Variants in CDKAL1 observed in about 807,000 individuals in gnomAD.
The protein encoded by CDKAL1 is threonylcarbamoyladenosine tRNA methylthiotransferase.
Under a neutral mutation model 68.2 loss-of-function variants are expected in CDKAL1, and 32 were observed. The ratio of observed to expected loss-of-function variants is 0.47; its 90% CI spans 0.35 to 0.63. The LOEUF is 0.63. Among genes scored for constraint, CDKAL1 ranks in the 30% least tolerant of loss-of-function variants. The probability of loss-of-function intolerance (pLI) is 0.00; values close to 1 mark genes in which losing one functional copy is unlikely to be tolerated. For missense variants in CDKAL1, 606 were observed against 696.7 expected, an observed-to-expected ratio of 0.87 and a Z score of 1.47; for synonymous variants, 234 against 244.3, an observed-to-expected ratio of 0.96 and a Z score of 0.39.
At chr6:20,992,632 T>C (rs913136732) in intron 10 of CDKAL1, among the ~76,000 whole-genome samples, 10 of 152,184 alleles carry the variant, frequency 6.6e-5, no homozygotes, top group Admixed American at 5.2e-4. Context: ...GCATGGTTGC[T>C]GATATCTGTA....
chr6:20,677,077 TTG>T (rs112049271), intron 5 of CDKAL1, among the ~76,000 whole-genome samples: 13,907 of 151,856 alleles, frequency 0.092, 2,046 homozygotes, highest in African/African-American at 0.31. Context: ...ATAATTTTTT[TTG>T]TGTGTGTGTG....
intron 8 of CDKAL1, among the ~76,000 whole-genome samples, chr6:20,810,389 C>G (rs371404914): frequency 1.0e-5 from 1 of 99,140 alleles, no homozygotes; most frequent in African/African-American, 4.7e-5. Flanking sequence ...CTCTCTCTCT[C>G]TGTCACACAC....
intron 8 of CDKAL1, among the ~76,000 whole-genome samples, chr6:20,814,949 T>C (rs932267481): frequency 2.0e-5 from 3 of 152,234 alleles, no homozygotes; most frequent in Non-Finnish European, 2.9e-5. Flanking sequence ...CATCTATATG[T>C]TGAGATCTGG....
At chr6:20,742,941 A>G (rs1488107067) in intron 6 of CDKAL1, among the ~76,000 whole-genome samples, 2 of 152,138 alleles carry the variant, frequency 1.3e-5, no homozygotes, top group Non-Finnish European at 2.9e-5. Context: ...ACAAATTACA[A>G]ATTAGGAAAC....
chr6:20,728,466 C>T (rs977561714), intron 5 of CDKAL1, among the ~76,000 whole-genome samples: 3 of 151,948 alleles, frequency 2.0e-5, no homozygotes, highest in African/African-American at 7.3e-5. Flanking sequence ...GTGACACCCA[C>T]AAAAGAAAAA....
At chr6:21,105,085 A>G (rs956061248) in intron 12 of CDKAL1, among the ~76,000 whole-genome samples, 2 of 152,226 alleles carry the variant, frequency 1.3e-5, no homozygotes, top group African/African-American at 4.8e-5. Context: ...AAGTGTTAGC[A>G]TCCGTCATTT....
intron 4 of CDKAL1, among the ~76,000 whole-genome samples, chr6:20,639,315 T>A (rs988005469): frequency 6.6e-6 from 1 of 152,174 alleles, no homozygotes; most frequent in African/African-American, 2.4e-5. Context: ...TTCTTCCTAG[T>A]AGCTTCTATT....
intron 15 of CDKAL1, among the ~76,000 whole-genome samples, chr6:21,205,512 T>C (rs966781297): frequency 2.6e-5 from 4 of 151,522 alleles, no homozygotes; most frequent in African/African-American, 9.7e-5. Context: ...GCCATCCTAA[T>C]CCGCATGGGT....
chr6:20,588,667 A>C (rs2127698138), intron 4 of CDKAL1, among the ~76,000 whole-genome samples: 1 of 152,246 alleles, frequency 6.6e-6, no homozygotes, highest in South Asian at 2.1e-4. Context: ...GCAGTCTTTC[A>C]AAAGTTAAGA....
At chr6:21,174,012 G>A (rs1452400789) in intron 13 of CDKAL1, among the ~76,000 whole-genome samples, 2 of 152,086 alleles carry the variant, frequency 1.3e-5, no homozygotes, top group Non-Finnish European at 2.9e-5. Flanking sequence ...TGAGGCAGCA[G>A]TGAACTGTGA....
At chr6:21,026,934 C>G (rs1272819232) in intron 11 of CDKAL1, among the ~76,000 whole-genome samples, 1 of 152,178 alleles carries the variant, frequency 6.6e-6, no homozygotes, top group Non-Finnish European at 1.5e-5. Context: ...CTCTCTTCTT[C>G]TTCCTCCTTG....
At chr6:20,961,436 C>T (rs1396919728) in intron 10 of CDKAL1, among the ~76,000 whole-genome samples, 3 of 152,040 alleles carry the variant, frequency 2.0e-5, no homozygotes, top group Admixed American at 6.6e-5. Context: ...CTGGGGCCTG[C>T]TTGAGGGAGA....
chr6:21,071,965 A>G (rs1003629890), intron 12 of CDKAL1, among the ~76,000 whole-genome samples: 8 of 152,102 alleles, frequency 5.3e-5, no homozygotes, highest in African/African-American at 1.7e-4. Context: ...ACTGTTGCCA[A>G]TTTCAGATTA....
In CDKAL1 at chr6:20,631,116, C is replaced by T. The variant is rs536367891; in HGVS notation, c.287-18177C>T. Reference sequence around the variant, plus strand: ...GCCACTTTTAAGTCCATTGTGTTGTCACTATTACTCAACCAGGTAAACACT... The same window carrying T: ...GCCACTTTTAAGTCCATTGTGTTGTTACTATTACTCAACCAGGTAAACACT... On this transcript the variant is annotated intron_variant, in intron 4 of 15. Coordinates refer to ENST00000274695, the MANE Select transcript of CDKAL1 (RefSeq NM_017774.3). Among the ~76,000 whole-genome samples the T allele has an allele frequency of 3.3e-5, 5 of 152,282 alleles. No homozygotes were observed. In the South Asian group the frequency reaches 1.0e-3, roughly 32 times the overall value.
At chr6:20,810,392 TCACACACACACACA>T (rs59104508) in intron 8 of CDKAL1, among the ~76,000 whole-genome samples, 14,765 of 115,522 alleles carry the variant, frequency 0.13, 1,115 homozygotes, top group East Asian at 0.19. Flanking sequence ...TCTCTCTCTG[TCACACACACACACA>T]CACACACACA....
At chr6:20,888,443 A>G (rs1212088563) in intron 9 of CDKAL1, among the ~76,000 whole-genome samples, 2 of 148,314 alleles carry the variant, frequency 1.3e-5, no homozygotes, top group Non-Finnish European at 3.0e-5. Context: ...ATATGTATAC[A>G]TGTGCCATGT....
At chr6:21,165,834 G>T (rs927883835) in intron 13 of CDKAL1, among the ~76,000 whole-genome samples, 1 of 152,134 alleles carries the variant, frequency 6.6e-6, no homozygotes, top group Admixed American at 6.5e-5. Flanking sequence ...AGAGCTTTAC[G>T]CACCTGTGGG....
At chr6:20,549,629 G>A (rs1763738798) in intron 4 of CDKAL1, among the ~76,000 whole-genome samples, 1 of 150,642 alleles carries the variant, frequency 6.6e-6, no homozygotes, top group Non-Finnish European at 1.5e-5. Context: ...TTTACTTTGA[G>A]ATGGGGTCTC....
chr6:20,648,198 G>A (rs1451791248), intron 4 of CDKAL1, among the ~76,000 whole-genome samples: 1 of 148,622 alleles, frequency 6.7e-6, no homozygotes, highest in Non-Finnish European at 1.5e-5. Context: ...TAATGATCTC[G>A]GCTCACTGCA....
Sources: gnomAD v4.1 joint callset for allele counts (sites outside exome capture counted in the v4.1 genomes callset) on GRCh38, gnomAD v4.1.1 for gene constraint, MANE v1.5 for transcripts, NCBI Gene and HGNC (gene_info 2026-07-23, HGNC 2026-07-21) for gene names.